BACH2: variants seen among roughly 807,000 people sequenced by gnomAD.
BACH2 encodes BACH transcriptional regulator 2, also known as transcription regulator protein BACH2.
In BACH2, 5 loss-of-function variants were observed where a neutral mutation model predicts 61.8. The observed-to-expected ratio is 0.08, with a 90% CI of 0.04 to 0.17. BACH2 has a LOEUF of 0.17. Ranked by LOEUF, BACH2 falls within the 10% of genes least tolerant of loss-of-function variation. The pLI is 1.00. For missense variants in BACH2, 824 were observed against 1,091.1 expected (o/e 0.76, Z 3.45); for synonymous variants, 446 against 440.1 (o/e 1.01, Z -0.17).
At chr6:90,147,471 G>A (rs1418641007) in intron 4 of BACH2, among the ~76,000 whole-genome samples, 2 of 152,226 alleles carry the variant, frequency 1.3e-5, no homozygotes, top group African/African-American at 4.8e-5. Context: ...GCCGTTCCGC[G>A]GCAGCCACTC....
intron 4 of BACH2, among the ~76,000 whole-genome samples, chr6:90,158,008 G>C (rs1241620549): frequency 6.6e-6 from 1 of 152,156 alleles, no homozygotes; most frequent in East Asian, 1.9e-4. Context: ...AGCGTTAACT[G>C]AGGGGGAGGT....
At chr6:90,057,684 T>G (rs1163937432) in intron 5 of BACH2, among the ~76,000 whole-genome samples, 2 of 152,170 alleles carry the variant, frequency 1.3e-5, no homozygotes, top group African/African-American at 4.8e-5. Context: ...AAGAGAATTT[T>G]AGACCAATAT....
chr6:90,111,167 C>T (rs774872843), intron 4 of BACH2, among the ~76,000 whole-genome samples: 2 of 152,154 alleles, frequency 1.3e-5, no homozygotes, highest in Non-Finnish European at 2.9e-5. Flanking sequence ...TTTAACCTTG[C>T]ATTCCCTGAT....
chr6:90,210,310 AC>A (rs1769297667), intron 3 of BACH2, among the ~76,000 whole-genome samples: 1 of 105,096 alleles, frequency 9.5e-6, no homozygotes, highest in Admixed American at 1.1e-4. Flanking sequence ...ACACCCCAAA[AC>A]AACACACACA....
intron 4 of BACH2, among the ~76,000 whole-genome samples, chr6:90,160,700 T>C (rs955988979): frequency 6.6e-6 from 1 of 152,194 alleles, no homozygotes; most frequent in African/African-American, 2.4e-5. Context: ...AGTCAGACTA[T>C]ATGGTTCTTC....
At chr6:90,113,853 A>G (rs2127817070) in intron 4 of BACH2, among the ~76,000 whole-genome samples, 1 of 152,262 alleles carries the variant, frequency 6.6e-6, no homozygotes, top group East Asian at 1.9e-4. Context: ...TACTGACCAC[A>G]CAGAAATAAA....
intron 5 of BACH2, among the ~76,000 whole-genome samples, chr6:90,030,174 C>T (rs1161811033): frequency 6.6e-6 from 1 of 152,110 alleles, no homozygotes; most frequent in Non-Finnish European, 1.5e-5. Context: ...CCCTTATGTC[C>T]ACGGCCTATC....
At chr6:90,155,294 AC>A (rs1784959126) in intron 4 of BACH2, among the ~76,000 whole-genome samples, 1 of 152,216 alleles carries the variant, frequency 6.6e-6, no homozygotes, top group Non-Finnish European at 1.5e-5. Flanking sequence ...TTCTGGATGA[AC>A]CTCTTGGTCT....
intron 4 of BACH2, among the ~76,000 whole-genome samples, chr6:90,099,106 C>T (rs556778286): frequency 1.4e-3 from 215 of 152,004 alleles, no homozygotes; most frequent in African/African-American, 4.7e-3. Flanking sequence ...CACTTAATTC[C>T]TTTGTTTTTT....
chr6:89,967,536 T>G (rs966117713), intron 6 of BACH2, among the ~76,000 whole-genome samples: 2 of 152,120 alleles, frequency 1.3e-5, no homozygotes, highest in African/African-American at 4.8e-5. Flanking sequence ...TAGCAAGAAA[T>G]GTCTGGTTCA....
chr6:90,096,165 T>C (rs1452022681), intron 4 of BACH2, among the ~76,000 whole-genome samples: 1 of 152,228 alleles, frequency 6.6e-6, no homozygotes, highest in South Asian at 2.1e-4. Flanking sequence ...AGTGCTAAAA[T>C]GGTTATAGTT....
chr6:90,241,381 T>C (rs183743616), intron 3 of BACH2, among the ~76,000 whole-genome samples: 2 of 152,108 alleles, frequency 1.3e-5, no homozygotes, highest in South Asian at 2.1e-4. Context: ...CCCTCCCACC[T>C]ACTCAACAGG....
chr6:90,102,632 TACAA>T (rs904209256), intron 4 of BACH2, among the ~76,000 whole-genome samples: 9 of 151,458 alleles, frequency 5.9e-5, no homozygotes, highest in Non-Finnish European at 1.0e-4. Context: ...CTACTAAAAA[TACAA>T]ACAATTAGCT....
At chr6:90,165,553 A>C (rs1305411866) in intron 4 of BACH2, among the ~76,000 whole-genome samples, 1 of 152,108 alleles carries the variant, frequency 6.6e-6, no homozygotes, top group Admixed American at 6.5e-5. Flanking sequence ...ATTGGAAAAA[A>C]CTACTTTCAA....
intron 4 of BACH2, among the ~76,000 whole-genome samples, chr6:90,193,977 T>C (rs1768664477): frequency 6.6e-6 from 1 of 152,202 alleles, no homozygotes; most frequent in Non-Finnish European, 1.5e-5. Context: ...TACTCTCTTC[T>C]GCCAATAGAA....
chr6:90,039,331 C>T (rs147486025), intron 5 of BACH2, among the ~76,000 whole-genome samples: 1 of 152,278 alleles, frequency 6.6e-6, no homozygotes, highest in East Asian at 1.9e-4. Context: ...TTTGATACTG[C>T]CAAATTGTCC....
chr6:90,296,114 T>C (rs1772365779), intron 1 of BACH2, among the ~76,000 whole-genome samples: 2 of 151,948 alleles, frequency 1.3e-5, no homozygotes, highest in East Asian at 2.0e-4. Flanking sequence ...GACGCGCGCC[T>C]CCTGCAGCCC....
At chr6:90,091,455 G>A (rs1303499603) in intron 4 of BACH2, among the ~76,000 whole-genome samples, 1 of 152,064 alleles carries the variant, frequency 6.6e-6, no homozygotes, top group Non-Finnish European at 1.5e-5. Context: ...CTTCCCAAAT[G>A]TGGCTACGAA....
intron 4 of BACH2, among the ~76,000 whole-genome samples, chr6:90,168,758 T>C (rs1026578529): frequency 6.6e-6 from 1 of 152,226 alleles, no homozygotes; most frequent in Non-Finnish European, 1.5e-5. Context: ...CCTTCTCAAG[T>C]AACTTTGTTA....
Sources: gnomAD v4.1 joint callset for allele counts (sites outside exome capture counted in the v4.1 genomes callset) on GRCh38, gnomAD v4.1.1 for gene constraint, MANE v1.5 for transcripts, NCBI Gene and HGNC (gene_info 2026-07-23, HGNC 2026-07-21) for gene names.